Variants in ULK4 observed in about 807,000 individuals in gnomAD.
ULK4 encodes the protein unc-51 like kinase 4.
ULK4 carries 133 observed loss-of-function variants against 160.6 expected under a neutral mutation model. The ratio of observed to expected loss-of-function variants is 0.83; its 90% CI spans 0.72 to 0.96. The LOEUF (loss-of-function observed/expected upper bound fraction) is 0.96, where lower values mean the gene tolerates loss of function less well. Ranked by LOEUF, ULK4 falls within the 40% of genes least tolerant of loss-of-function variation. The pLI, the probability that ULK4 is intolerant of heterozygous loss-of-function variation, is 0.00. For missense variants in ULK4, 1,580 were observed against 1,499.5 expected (o/e 1.05, Z -0.89); for synonymous variants, 534 against 539.8 (o/e 0.99, Z 0.15).
chr3:41,344,514 G>A (rs747714950), intron 35 of ULK4, among the ~76,000 whole-genome samples: 1 of 152,092 alleles, frequency 6.6e-6, no homozygotes, highest in African/African-American at 2.4e-5. Context: ...CACTTTGGAA[G>A]GCTGAGGTGG....
At chr3:41,488,835 G>C (rs1268662234) in intron 32 of ULK4, among the ~76,000 whole-genome samples, 1 of 152,168 alleles carries the variant, frequency 6.6e-6, no homozygotes, top group Non-Finnish European at 1.5e-5. Context: ...TGCTGGCTTT[G>C]CTTGCCTAAA....
intron 29 of ULK4, among the ~76,000 whole-genome samples, chr3:41,673,876 G>A (rs1195402885): frequency 6.6e-6 from 1 of 151,982 alleles, no homozygotes; most frequent in Non-Finnish European, 1.5e-5. Flanking sequence ...ACAATTAGCT[G>A]AAGTCATCCC....
intron 32 of ULK4, among the ~76,000 whole-genome samples, chr3:41,540,076 T>C (rs111461813): frequency 6.6e-6 from 1 of 152,084 alleles, no homozygotes; most frequent in Non-Finnish European, 1.5e-5. Flanking sequence ...TTTTATTTAT[T>C]ATTATTATTA....
intron 13 of ULK4, among the ~76,000 whole-genome samples, chr3:41,899,950 G>GA (rs1698293157): frequency 6.6e-6 from 1 of 150,566 alleles, no homozygotes; most frequent in East Asian, 1.9e-4. Flanking sequence ...AATGAGATAA[G>GA]AAAAAAGAGT....
At chr3:41,315,423 T>A (rs1257121350) in intron 35 of ULK4, among the ~76,000 whole-genome samples, 1 of 152,170 alleles carries the variant, frequency 6.6e-6, no homozygotes, top group Non-Finnish European at 1.5e-5. Flanking sequence ...TCTGGAATGG[T>A]GGCGTGAGAA....
At chr3:41,914,271 G>T (rs1698895406) in intron 8 of ULK4, among the ~76,000 whole-genome samples, 1 of 152,106 alleles carries the variant, frequency 6.6e-6, no homozygotes, top group Non-Finnish European at 1.5e-5. Context: ...TCAATCAAAA[G>T]TAAAACACAA....
chr3:41,608,524 T>A (rs573502742), intron 31 of ULK4, among the ~76,000 whole-genome samples: 1 of 152,318 alleles, frequency 6.6e-6, no homozygotes, highest in Non-Finnish European at 1.5e-5. Context: ...ATCACTGATT[T>A]CACAGTAGGC....
intron 17 of ULK4, among the ~76,000 whole-genome samples, chr3:41,869,346 G>A (rs550629357): frequency 7.2e-4 from 109 of 152,014 alleles, no homozygotes; most frequent in African/African-American, 2.1e-3. Context: ...AAGCTAAGGC[G>A]GATGAATCAC....
chr3:41,724,543 T>C (rs2037582127), intron 22 of ULK4, among the ~76,000 whole-genome samples: 1 of 151,866 alleles, frequency 6.6e-6, no homozygotes, highest in African/African-American at 2.4e-5. Context: ...GCTAACACAG[T>C]GAAACCCGTC....
At chr3:41,955,730 C>G (rs1042638244) in intron 1 of ULK4, 1 of 151,678 alleles carries the variant, frequency 6.6e-6, no homozygotes, top group Non-Finnish European at 1.5e-5. Context: ...ACGCCCTGCC[C>G]GCCATGAAGA....
intron 35 of ULK4, among the ~76,000 whole-genome samples, chr3:41,301,192 C>T (rs1019524466): frequency 6.6e-6 from 1 of 151,888 alleles, no homozygotes; most frequent in African/African-American, 2.4e-5. Flanking sequence ...GAGAGCCCAG[C>T]GAGATGGGGA....
chr3:41,893,438 C>A lies in ULK4; in HGVS notation c.1577+2080G>T, dbSNP rs1698040681. 2.0e-5 allele frequency among the ~76,000 whole-genome samples: 3 copies of A among 152,068 alleles called. No individual in the cohort carries two copies. The South Asian group carries it at 6.2e-4, about 31-fold the overall frequency. On this transcript the variant is annotated intron_variant, in intron 16 of 36. Coordinates refer to ENST00000301831, the MANE Select transcript of ULK4 (RefSeq NM_017886.4). ...CAATGTTGGAAGTTCTAACAAAAGGCATTTTAAACACATTGACTGGGATTA... is the reference window on the plus strand; with the variant it reads ...CAATGTTGGAAGTTCTAACAAAAGGAATTTTAAACACATTGACTGGGATTA...
chr3:41,316,381 G>A (rs556291059), intron 35 of ULK4, among the ~76,000 whole-genome samples: 35 of 152,138 alleles, frequency 2.3e-4, no homozygotes, highest in Non-Finnish European at 4.1e-4. Flanking sequence ...CCTTTTAAAT[G>A]GGTGACTTGT....
chr3:41,575,789 C>A (rs1233757327), intron 31 of ULK4, among the ~76,000 whole-genome samples: 1 of 152,234 alleles, frequency 6.6e-6, no homozygotes, highest in Non-Finnish European at 1.5e-5. Flanking sequence ...CTGCGAATGC[C>A]CTTCTGGCAG....
intron 22 of ULK4, among the ~76,000 whole-genome samples, chr3:41,736,356 G>C (rs892647381): frequency 6.6e-6 from 1 of 151,836 alleles, no homozygotes; most frequent in African/African-American, 2.4e-5. Context: ...AGCACCTGTT[G>C]TTCCCTGACT....
chr3:41,662,223 T>A (rs1421449362), intron 30 of ULK4, among the ~76,000 whole-genome samples: 1 of 152,204 alleles, frequency 6.6e-6, no homozygotes, highest in Admixed American at 6.5e-5. Context: ...TCTAAAAGGC[T>A]ATAGAAACAC....
intron 2 of ULK4, among the ~76,000 whole-genome samples, chr3:41,939,323 C>T (rs1699879611): frequency 6.6e-6 from 1 of 152,002 alleles, no homozygotes; most frequent in South Asian, 2.1e-4. Context: ...CCACACCCAG[C>T]TAATTTTTGT....
chr3:41,835,188 C>T (rs1003837211), intron 18 of ULK4, among the ~76,000 whole-genome samples: 9 of 152,096 alleles, frequency 5.9e-5, no homozygotes, highest in Non-Finnish European at 1.2e-4. Context: ...CCAGCCTGGG[C>T]AACAGAGTGA....
At chr3:41,636,144 T>C (rs573228353) in intron 30 of ULK4, among the ~76,000 whole-genome samples, 1 of 152,162 alleles carries the variant, frequency 6.6e-6, no homozygotes, top group Non-Finnish European at 1.5e-5. Context: ...ATTACATGTA[T>C]TACCATTGCC....
Sources: allele counts gnomAD v4.1 joint callset (sites outside exome capture counted in the v4.1 genomes callset), GRCh38; gene constraint gnomAD v4.1.1; transcripts MANE v1.5; gene names NCBI Gene and HGNC (gene_info 2026-07-23, HGNC 2026-07-21).